Variants in ELAPOR2 observed in about 807,000 individuals in gnomAD.
The protein encoded by ELAPOR2 is endosome/lysosome-associated apoptosis and autophagy regulator family member 2.
ELAPOR2 carries 89 observed loss-of-function variants against 120.7 expected under a neutral mutation model. That is an observed-to-expected ratio of 0.74 (90% confidence interval 0.62 to 0.88). The LOEUF is 0.88. Ranked by LOEUF, ELAPOR2 falls within the 40% of genes least tolerant of loss-of-function variation. The pLI, the probability that ELAPOR2 is intolerant of heterozygous loss-of-function variation, is 0.00. For missense variants in ELAPOR2, 1,134 were observed against 1,251.6 expected, an observed-to-expected ratio of 0.91 and a Z score of 1.42; for synonymous variants, 444 against 444.9, an observed-to-expected ratio of 1.00 and a Z score of 0.03.
intron 1 of ELAPOR2, among the ~76,000 whole-genome samples, chr7:87,008,273 A>G (rs573467556): frequency 1.4e-4 from 22 of 152,318 alleles, no homozygotes; most frequent in South Asian, 6.2e-4. Flanking sequence ...CTACAAAATA[A>G]CAGATCTATA....
chr7:86,981,373 C>T (rs1445750897), intron 1 of ELAPOR2, among the ~76,000 whole-genome samples: 1 of 152,014 alleles, frequency 6.6e-6, no homozygotes, highest in Non-Finnish European at 1.5e-5. Context: ...TATCATCTGT[C>T]ATCTACACTT....
At chr7:86,889,688 C>T (rs558076902) in intron 21 of ELAPOR2, among the ~76,000 whole-genome samples, 68 of 152,080 alleles carry the variant, frequency 4.5e-4, no homozygotes, top group African/African-American at 6.7e-4. Context: ...CCACAGTTGA[C>T]GGTGGGTAAC....
intron 1 of ELAPOR2, among the ~76,000 whole-genome samples, chr7:86,999,617 T>G (rs1305496945): frequency 6.6e-6 from 1 of 152,150 alleles, no homozygotes; most frequent in Non-Finnish European, 1.5e-5. Flanking sequence ...GGCAGCATAC[T>G]CAGATTTATC....
intron 12 of ELAPOR2, among the ~76,000 whole-genome samples, chr7:86,918,157 T>A (rs890883450): frequency 7.8e-6 from 1 of 127,718 alleles, no homozygotes; most frequent in African/African-American, 4.5e-5. Flanking sequence ...TATGAAGGAA[T>A]TTTTTTTTTT....
intron 21 of ELAPOR2, among the ~76,000 whole-genome samples, chr7:86,885,519 C>T (rs974580832): frequency 6.6e-6 from 1 of 152,134 alleles, no homozygotes; most frequent in African/African-American, 2.4e-5. Context: ...CAAACTACCC[C>T]AACTTCAGCT....
intron 1 of ELAPOR2, among the ~76,000 whole-genome samples, chr7:87,004,938 T>G (rs1172459929): frequency 6.6e-6 from 1 of 152,108 alleles, no homozygotes; most frequent in Non-Finnish European, 1.5e-5. Context: ...TGACCCCTCT[T>G]TGCAACTGCC....
At chr7:87,053,047 C>G (rs567449745) in intron 1 of ELAPOR2, among the ~76,000 whole-genome samples, 1 of 152,232 alleles carries the variant, frequency 6.6e-6, no homozygotes, top group Admixed American at 6.5e-5. Flanking sequence ...ATTTACCTAC[C>G]TCAGCCTTCC....
At chr7:87,024,965 G>C (rs1794194833) in intron 1 of ELAPOR2, among the ~76,000 whole-genome samples, 1 of 148,902 alleles carries the variant, frequency 6.7e-6, no homozygotes, top group Admixed American at 6.7e-5. Context: ...TTACATCACT[G>C]ACCTAAGAGT....
At chr7:86,959,476 T>C (rs1328425562) in intron 2 of ELAPOR2, among the ~76,000 whole-genome samples, 1 of 152,232 alleles carries the variant, frequency 6.6e-6, no homozygotes, top group Non-Finnish European at 1.5e-5. Context: ...CTATATGGCC[T>C]TTACTGTGTT....
At chr7:86,936,859 A>T (rs1403873338) in intron 8 of ELAPOR2, among the ~76,000 whole-genome samples, 1 of 152,092 alleles carries the variant, frequency 6.6e-6, no homozygotes, top group South Asian at 2.1e-4. Context: ...TTTTCATTGT[A>T]GATAAGACGA....
intron 1 of ELAPOR2, among the ~76,000 whole-genome samples, chr7:87,023,133 C>G (rs1468733076): frequency 1.1e-4 from 16 of 152,216 alleles, no homozygotes; most frequent in East Asian, 3.9e-4. Context: ...ACATGAAGTC[C>G]TTGCCCATGC....
intron 12 of ELAPOR2, among the ~76,000 whole-genome samples, chr7:86,916,277 A>G (rs2116132478): frequency 6.6e-6 from 1 of 152,344 alleles, no homozygotes; most frequent in African/African-American, 2.4e-5. Flanking sequence ...AGAGTGGCTA[A>G]CTTGACTGAA....
intron 6 of ELAPOR2, 99 bp from the exon 7 acceptor site, chr7:86,939,059 T>A: frequency 2.9e-6 from 4 of 1,357,028 alleles, no homozygotes; most frequent in Non-Finnish European, 4.1e-6. Flanking sequence ...GGGAGATATA[T>A]GAACAGTAAG....
intron 21 of ELAPOR2, among the ~76,000 whole-genome samples, chr7:86,885,649 T>G (rs575623042): frequency 1.3e-5 from 2 of 152,272 alleles, no homozygotes; most frequent in East Asian, 3.9e-4. Context: ...CTTAAACATT[T>G]ACCACTCTGT....
intron 1 of ELAPOR2, among the ~76,000 whole-genome samples, chr7:87,024,987 G>GAAA (rs200302607): frequency 1.7e-5 from 2 of 118,562 alleles, no homozygotes. Flanking sequence ...TTTTCCTACA[G>GAAA]AAAAAAAAAA....
rs1789141214 is a variant in ELAPOR2 at position 86,908,523 on chromosome 7, A to G, written c.2380T>C (p.Leu794=). 1 of 1,564,662 alleles carries G rather than the reference A, an allele frequency of 6.4e-7. No homozygotes were observed. The highest frequency in any genetic ancestry group is 2.3e-5 in the East Asian group (1 of 43,544). Residue 794 remains leucine, a synonymous_variant, in exon 17 of 22, where the codon TTG becomes CTG. Transcript: ENST00000450689. The stretch of plus-strand genomic sequence containing the variant: ...TCTTCTTTTATATTAATATTTTTCA[A>G]TGTGGTTTCAACTGTGACTCCTAGA... ...TFIGVTVETT[L]KNINIKEDMF... is the part of the protein sequence containing the mutation.
chr7:86,996,371 C>T (rs530172563), intron 1 of ELAPOR2, among the ~76,000 whole-genome samples: 208 of 151,976 alleles, frequency 1.4e-3, no homozygotes, highest in Non-Finnish European at 2.6e-3. Context: ...GAGAAGGAGC[C>T]CAAAGAAGAG....
chr7:86,904,215 T>C (rs908189716), intron 18 of ELAPOR2, among the ~76,000 whole-genome samples: 2 of 152,204 alleles, frequency 1.3e-5, no homozygotes, highest in Non-Finnish European at 2.9e-5. Context: ...ATCTGCTTTT[T>C]AATAAGGCCT....
chr7:86,984,439 A>G (rs148734084), intron 1 of ELAPOR2, among the ~76,000 whole-genome samples: 57,275 of 151,792 alleles, frequency 0.38, 11,603 homozygotes, highest in African/African-American at 0.53. Flanking sequence ...TTGGAAGTAA[A>G]GCACTCCTTG....
Sources: gnomAD v4.1 joint callset for allele counts (sites outside exome capture counted in the v4.1 genomes callset) on GRCh38, gnomAD v4.1.1 for gene constraint, MANE v1.5 for transcripts, NCBI Gene and HGNC (gene_info 2026-07-23, HGNC 2026-07-21) for gene names.